The following CCNJL variants were observed in gnomAD, a reference collection of about 807,000 sequenced individuals.
The protein encoded by CCNJL is cyclin-J-like protein.
CCNJL carries 33 observed loss-of-function variants against 33.4 expected under a neutral mutation model. The ratio of observed to expected loss-of-function variants is 0.99; its 90% CI spans 0.75 to 1.32. CCNJL has a LOEUF of 1.32. CCNJL is among the 40% of genes most tolerant of loss of function. The pLI, the probability that CCNJL is intolerant of heterozygous loss-of-function variation, is 0.00. For missense variants in CCNJL, 512 were observed against 499.7 expected, an observed-to-expected ratio of 1.02 and a Z score of -0.23; for synonymous variants, 227 against 220.9, an observed-to-expected ratio of 1.03 and a Z score of -0.24.
In CCNJL at chr5:160,339,036, C is replaced by A. The variant is rs376316977; in HGVS notation, n.206+409G>T. Among the ~76,000 whole-genome samples the A allele has an allele frequency of 7.9e-4, 120 of 152,222 alleles. 1 individual carries two copies. The Middle Eastern group carries it at 0.014, about 17-fold the overall frequency. ...ACTCCTGACCTTGTGATCCACCCAC[C>A]TCGGACTCCCAAAGTGCTGGGATTC... is the stretch of plus-strand genomic sequence containing the variant. On this transcript the variant is annotated intron_variant and non_coding_transcript_variant, in intron 1 of 7. Coordinates refer to the CCNJL transcript ENST00000377503.
intron 1 of CCNJL, among the ~76,000 whole-genome samples, chr5:160,324,911 A>G (rs1049266677): frequency 1.3e-5 from 2 of 152,210 alleles, no homozygotes; most frequent in Admixed American, 1.3e-4. Context: ...TTTATGATCT[A>G]CACTATAGAA....
At chr5:160,291,171 C>T (rs188119298) in intron 2 of CCNJL, among the ~76,000 whole-genome samples, 7 of 151,534 alleles carry the variant, frequency 4.6e-5, no homozygotes, top group Admixed American at 3.3e-4. Context: ...GTGCCTCAGT[C>T]TACCCAAGAG....
upstream of CCNJL, among the ~76,000 whole-genome samples, chr5:160,313,570 T>G (rs1351773523): frequency 2.0e-5 from 3 of 152,236 alleles, no homozygotes; most frequent in African/African-American, 7.2e-5. Flanking sequence ...TCAGCTTTGA[T>G]AAGCTTCAAT....
At chr5:160,280,442 T>C in intron 3 of CCNJL, 83 bp downstream of exon 3, 1 of 1,109,886 alleles carries the variant, frequency 9.0e-7, no homozygotes, top group Non-Finnish European at 1.3e-6. Context: ...ATCGTCAAAA[T>C]GTAAAGTGAT....
chr5:160,269,542 G>A (rs561157008), intron 3 of CCNJL: 30 of 455,562 alleles, frequency 6.6e-5, no homozygotes, highest in Admixed American at 6.1e-4. Flanking sequence ...CCTTTGTTCC[G>A]ACCTATGCGG....
At chr5:160,269,782 T>A (rs530415371) in intron 3 of CCNJL, among the ~76,000 whole-genome samples, 1 of 152,302 alleles carries the variant, frequency 6.6e-6, no homozygotes, top group South Asian at 2.1e-4. Flanking sequence ...GTGGTCTGGC[T>A]GTACAACTAG....
At position 160,251,379 on chromosome 5, in the gene CCNJL, TTAAAA is replaced by T. The variant is rs1561764376; in HGVS notation, c.*1994_*1998del. On this transcript the variant is annotated 3_prime_UTR_variant, in exon 6 of 6. Coordinates refer to ENST00000257536, the MANE Select transcript of CCNJL (RefSeq NM_001308173.3). ...CTCTGCAATCACATGAGCCAATTCCTTAAAATAAATCTCTCTCCATATATATCCTA... is the reference window on the plus strand; with the variant it reads ...CTCTGCAATCACATGAGCCAATTCCTTAAATCTCTCTCCATATATATCCTA... 6.6e-6 allele frequency: 1 copy of T among 152,192 alleles called. No homozygotes were observed. Among genetic ancestry groups the T allele is most frequent in the Non-Finnish European group, 1.5e-5 (1 of 68,046 alleles). 9.4% of individuals were successfully genotyped at this position (152,192 alleles called of 1,614,324 possible).
chr5:160,278,807 C>T (rs946731481), intron 3 of CCNJL, among the ~76,000 whole-genome samples: 6 of 152,220 alleles, frequency 3.9e-5, no homozygotes, highest in Non-Finnish European at 7.3e-5. Context: ...AAGGCCGTGG[C>T]GCAAATTTCT....
chr5:160,303,185 C>T (rs181008639), intron 2 of CCNJL, among the ~76,000 whole-genome samples: 3 of 152,256 alleles, frequency 2.0e-5, no homozygotes, highest in East Asian at 1.9e-4. Context: ...AAGTGTTTTA[C>T]GACAAGGTAT....
At chr5:160,268,907 T>C (rs1238022849) in intron 3 of CCNJL, among the ~76,000 whole-genome samples, 3 of 152,208 alleles carry the variant, frequency 2.0e-5, no homozygotes, top group Non-Finnish European at 4.4e-5. Flanking sequence ...CTTCTTCTCC[T>C]TCCTCTCTCA....
intron 3 of CCNJL, among the ~76,000 whole-genome samples, chr5:160,275,193 T>C (rs138155021): frequency 2.0e-5 from 3 of 151,860 alleles, no homozygotes; most frequent in African/African-American, 7.2e-5. Context: ...CAAGCAATTC[T>C]TCCACCTCAG....
At chr5:160,327,286 T>C (rs557781893) in intron 1 of CCNJL, among the ~76,000 whole-genome samples, 119 of 152,178 alleles carry the variant, frequency 7.8e-4, no homozygotes, top group Non-Finnish European at 1.5e-3. Context: ...AACTAATATT[T>C]AGTGATAGCT....
upstream of CCNJL, among the ~76,000 whole-genome samples, chr5:160,313,131 T>C (rs10038395): frequency 0.48 from 73,699 of 151,970 alleles, 18,682 homozygotes; most frequent in African/African-American, 0.64. Flanking sequence ...ATATGAACTA[T>C]GCCTCACATT....
rs1256048483 is a variant in CCNJL at position 160,250,358 on chromosome 5, G to C, written c.*3020C>G. The C allele has an allele frequency of 6.6e-6, 1 of 152,286 alleles. No homozygotes were observed. Among genetic ancestry groups the C allele is most frequent in the African/African-American group, 2.4e-5 (1 of 41,472 alleles). The allele number at this position is 152,286 out of a possible 1,614,324, so 9.4% of individuals were successfully genotyped here. A position where few individuals can be genotyped will look rare whatever the true frequency, so the allele number is the denominator to read the frequency against. ...AACTTAGAGCTTCCTGCCTCACCTA[G>C]CCTTGCACACAGCGGGTGGTGAGCA... is the stretch of plus-strand genomic sequence containing the variant. On this transcript the variant is annotated 3_prime_UTR_variant, in exon 6 of 6. Transcript: ENST00000257536.
At chr5:160,338,084 G>C (rs1266971725) in intron 1 of CCNJL, among the ~76,000 whole-genome samples, 2 of 152,214 alleles carry the variant, frequency 1.3e-5, no homozygotes, top group Admixed American at 1.3e-4. Flanking sequence ...AAACATGTTT[G>C]ATTGGAAACC....
At chr5:160,293,317 C>T (rs1373055565) in intron 2 of CCNJL, among the ~76,000 whole-genome samples, 1 of 152,164 alleles carries the variant, frequency 6.6e-6, no homozygotes, top group African/African-American at 2.4e-5. Flanking sequence ...GCCTCAGCTA[C>T]TTGGGAGGCT....
intron 4 of CCNJL, chr5:160,258,622 C>A: frequency 8.6e-7 from 1 of 1,158,640 alleles, no homozygotes; most frequent in South Asian, 1.2e-5. Flanking sequence ...GCAGCTGTTA[C>A]GAAGATGGTT....
rs1760766748 is a variant in CCNJL, at chr5:160,250,090, A to G, written c.*3288T>C. ...GTCCTCCAGCATGGGAATTAACACA[A>G]TCTTACATGGGAGTGCCCAAGGGTG... On this transcript the variant is annotated 3_prime_UTR_variant, in exon 6 of 6. Coordinates refer to ENST00000257536, the MANE Select transcript of CCNJL (RefSeq NM_001308173.3). 1 of 152,108 alleles carries G rather than the reference A, an allele frequency of 6.6e-6. No homozygotes were observed. Among genetic ancestry groups the G allele is most frequent in the Admixed American group, 6.6e-5 (1 of 15,266 alleles). The allele number at this position is 152,108 out of a possible 1,614,324, so 9.4% of individuals were successfully genotyped here. A position where few individuals can be genotyped will look rare whatever the true frequency, so the allele number is the denominator to read the frequency against.
rs145896235 is a variant in CCNJL at position 160,323,156 on chromosome 5, A to G, written n.207-7651T>C. 8.1e-3 allele frequency among the ~76,000 whole-genome samples: 1,192 copies of G among 147,746 alleles called. 18 individuals are homozygous for G. The highest frequency in any genetic ancestry group is 0.028 in the African/African-American group (1,109 of 39,748). On this transcript the variant is annotated intron_variant and non_coding_transcript_variant, in intron 1 of 7. Transcript: ENST00000377503. ...AGGCCAAGGCAAGAGAATTGCTTGA[A>G]CCCGGGAGGCGGAGGTTGCAGTGAG...
Sources: gnomAD v4.1 joint callset for allele counts (sites outside exome capture counted in the v4.1 genomes callset) on GRCh38, gnomAD v4.1.1 for gene constraint, MANE v1.5 for transcripts, NCBI Gene and HGNC (gene_info 2026-07-23, HGNC 2026-07-21) for gene names.